Variants in TXNDC12 observed in about 807,000 individuals in gnomAD.
TXNDC12 encodes the protein thioredoxin domain containing 12, also known as thioredoxin domain-containing protein 12.
A neutral mutation model predicts 24.2 loss-of-function variants in TXNDC12; 22 were observed. That is an observed-to-expected ratio of 0.91 (90% CI 0.65 to 1.30). The LOEUF is 1.30. Ranked by LOEUF, TXNDC12 falls within the 50% of genes most tolerant of loss-of-function variation. The pLI is 0.00. For synonymous variants in TXNDC12, 58 were observed against 73.4 expected, an observed-to-expected ratio of 0.79 and a Z score of 1.07; for missense variants, 184 against 205.8, an observed-to-expected ratio of 0.89 and a Z score of 0.65.
At chr1:52,024,911 G>C (rs1289888736) in intron 4 of TXNDC12, among the ~76,000 whole-genome samples, 2 of 152,126 alleles carry the variant, frequency 1.3e-5, no homozygotes, top group Non-Finnish European at 2.9e-5. Flanking sequence ...TCAGACCTTT[G>C]CTCAAATATC....
At chr1:52,044,698 G>T (rs1686054951) in intron 1 of TXNDC12, among the ~76,000 whole-genome samples, 1 of 152,196 alleles carries the variant, frequency 6.6e-6, no homozygotes, top group Non-Finnish European at 1.5e-5. Context: ...ATCTGGCCAG[G>T]TGTGGTGGCT....
chr1:52,027,607 G>A (rs530864528), intron 3 of TXNDC12, among the ~76,000 whole-genome samples: 3 of 151,846 alleles, frequency 2.0e-5, no homozygotes, highest in African/African-American at 2.4e-5. Flanking sequence ...AATGGCATAC[G>A]AATAGGGGGG....
intron 2 of TXNDC12, among the ~76,000 whole-genome samples, chr1:52,034,482 G>A (rs1685844548): frequency 6.6e-6 from 1 of 152,158 alleles, no homozygotes; most frequent in Non-Finnish European, 1.5e-5. Flanking sequence ...AGTTACATTT[G>A]AATTTCAGAT....
chr1:52,054,696 C>T (rs1304566693), intron 1 of TXNDC12, among the ~76,000 whole-genome samples: 1 of 152,232 alleles, frequency 6.6e-6, no homozygotes, highest in Non-Finnish European at 1.5e-5. Context: ...GACCGTTCCT[C>T]AGGACCTCCC....
At chr1:52,047,694 G>A (rs1000632194) in intron 1 of TXNDC12, among the ~76,000 whole-genome samples, 3 of 152,082 alleles carry the variant, frequency 2.0e-5, no homozygotes, top group Admixed American at 6.6e-5. Context: ...CTTGAGCCCC[G>A]GAGTTTGAGG....
At chr1:52,027,034 TA>T (rs772080465) in intron 4 of TXNDC12, among the ~76,000 whole-genome samples, 1,106 of 141,962 alleles carry the variant, frequency 7.8e-3, no homozygotes, top group Non-Finnish European at 0.011. Flanking sequence ...AGACTCCATA[TA>T]AAAAAAAAAA....
chr1:52,038,685 T>C (rs1685928960), intron 2 of TXNDC12, among the ~76,000 whole-genome samples: 1 of 152,204 alleles, frequency 6.6e-6, no homozygotes, highest in Non-Finnish European at 1.5e-5. Flanking sequence ...ACTCCAGCTT[T>C]AGATCCTTCA....
intron 2 of TXNDC12, among the ~76,000 whole-genome samples, chr1:52,038,640 T>C (rs1489992982): frequency 1.3e-5 from 2 of 152,188 alleles, no homozygotes; most frequent in Admixed American, 6.5e-5. Context: ...AACCTCTTTC[T>C]AAAATCAGCA....
chr1:52,020,279 A>C lies in TXNDC12; in HGVS notation c.*654T>G, dbSNP rs1034284280. On this transcript the variant is annotated 3_prime_UTR_variant, in exon 7 of 7. Transcript: ENST00000371626. ...AGTTTCTCCAACAGTAACAAGGGAA[A>C]GCATGCTTCCACCTGGAGCCGAGTC... 5.5e-6 allele frequency: 2 copies of C among 363,630 alleles called. No homozygotes were observed. The highest frequency in any genetic ancestry group is 4.2e-5 in the African/African-American group (2 of 48,012). 22.5% of individuals were successfully genotyped at this position (363,630 alleles called of 1,614,324 possible).
chr1:52,033,580 G>A, intron 2 of TXNDC12: 1 of 1,613,626 alleles, frequency 6.2e-7, no homozygotes, highest in Non-Finnish European at 8.5e-7. Context: ...GGCTCGCAGA[G>A]CTCCACGCAA....
intron 1 of TXNDC12, among the ~76,000 whole-genome samples, chr1:52,045,979 G>A (rs180787391): frequency 1.3e-5 from 2 of 151,992 alleles, no homozygotes; most frequent in African/African-American, 2.4e-5. Context: ...CTGGGAGGCC[G>A]AGGTGAGAGG....
At chr1:52,026,717 T>C (rs1479885195) in intron 4 of TXNDC12, among the ~76,000 whole-genome samples, 1 of 152,024 alleles carries the variant, frequency 6.6e-6, no homozygotes, top group Non-Finnish European at 1.5e-5. Context: ...CTGGCCAACA[T>C]TGTGAGACCC....
intron 2 of TXNDC12, among the ~76,000 whole-genome samples, chr1:52,037,373 C>T (rs1048652307): frequency 3.3e-5 from 5 of 152,166 alleles, no homozygotes; most frequent in East Asian, 1.9e-4. Flanking sequence ...CCACCACGCC[C>T]GGCGAATTTT....
rs558770852 is a variant in TXNDC12 at position 52,039,674 on chromosome 1, G to A, written c.158+1863C>T. Among the ~76,000 whole-genome samples the A allele has an allele frequency of 2.6e-5, 4 of 152,288 alleles. No individual in the cohort carries two copies. The East Asian group carries it at 5.8e-4, about 22-fold the overall frequency. On this transcript the variant is annotated intron_variant, in intron 2 of 6. Transcript: ENST00000371626. ...GCGATACGCAATACACTGGAGAGACGTACTGCTCACTGAAGATGATTAATG... is the reference window on the plus strand; with the variant it reads ...GCGATACGCAATACACTGGAGAGACATACTGCTCACTGAAGATGATTAATG...
intron 2 of TXNDC12, among the ~76,000 whole-genome samples, chr1:52,034,600 TTTA>T (rs749319720): frequency 5.3e-5 from 8 of 152,050 alleles, no homozygotes; most frequent in African/African-American, 1.7e-4. Context: ...GCATCTTTAA[TTTA>T]TTATTATTAT....
intron 6 of TXNDC12, 41 bp downstream of exon 6, chr1:52,023,450 C>A: frequency 6.6e-7 from 1 of 1,517,414 alleles, no homozygotes; most frequent in South Asian, 1.1e-5. Flanking sequence ...CATCCTAGTT[C>A]AATCTAGCAA....
chr1:52,033,235 C>G (rs766342705), intron 2 of TXNDC12: 6 of 1,614,030 alleles, frequency 3.7e-6, no homozygotes, highest in African/African-American at 1.3e-5. Context: ...GGATTCTTCT[C>G]GCTCCAGTTC....
At chr1:52,044,939 C>T (rs954028193) in intron 1 of TXNDC12, among the ~76,000 whole-genome samples, 2 of 151,164 alleles carry the variant, frequency 1.3e-5, no homozygotes, top group African/African-American at 4.9e-5. Context: ...CACGCCACCA[C>T]ACTCCAGCCT....
rs764676139 is a variant in TXNDC12 at position 52,020,974 on chromosome 1, C to G, written c.478G>C (p.Gly160Arg). Reference sequence around the variant, plus strand: ...AGATGTTTCTTTCTGAAGGCATCACCCGTCAGCCTTTCCTGAGCTTCCTTC... The same window carrying G: ...AGATGTTTCTTTCTGAAGGCATCACGCGTCAGCCTTTCCTGAGCTTCCTTC... ...GMKEAQERLTGDAFRKKHLED... is the reference protein window; with the variant it reads ...GMKEAQERLTRDAFRKKHLED... The change falls in exon 7 of 7, where the codon GGT becomes CGT. Residue 160 changes from glycine to arginine, a missense_variant. Gly to Arg is a moderately radical substitution (Grantham distance 125). Transcript: ENST00000371626. 6.2e-7 allele frequency: 1 copy of G among 1,614,036 alleles called. No individual in the cohort carries two copies. The highest frequency in any genetic ancestry group is 1.3e-5 in the African/African-American group (1 of 74,938).
Sources: gnomAD v4.1 joint callset for allele counts (sites outside exome capture counted in the v4.1 genomes callset) on GRCh38, gnomAD v4.1.1 for gene constraint, MANE v1.5 for transcripts, NCBI Gene and HGNC (gene_info 2026-07-23, HGNC 2026-07-21) for gene names.